The following ESPN variants were observed in gnomAD, a reference collection of about 807,000 sequenced individuals.
ESPN encodes autosomal recessive deafness type 36 protein.
ESPN carries 68 observed loss-of-function variants against 77.7 expected under a neutral mutation model. The ratio of observed to expected loss-of-function variants is 0.87; its 90% CI spans 0.72 to 1.07. The LOEUF (loss-of-function observed/expected upper bound fraction) is 1.07, where lower values mean the gene tolerates loss of function less well. Among genes scored for constraint, ESPN ranks in the 50% least tolerant of loss-of-function variants. The pLI is 0.00. For synonymous variants in ESPN, 449 were observed against 567.1 expected (o/e 0.79, Z 2.96); for missense variants, 1,060 against 1,239.0 (o/e 0.86, Z 2.17).
chr1:6,444,757 TGG>T (rs1467720485), intron 6 of ESPN, 75 bp downstream of exon 6: 11 of 1,553,388 alleles, frequency 7.1e-6, no homozygotes, highest in Non-Finnish European at 9.7e-6. Flanking sequence ...GGATTGGCCT[TGG>T]GCCGCCCTGC....
At chr1:6,446,692 G>A (rs185509784) in intron 7 of ESPN, among the ~76,000 whole-genome samples, 3 of 152,288 alleles carry the variant, frequency 2.0e-5, no homozygotes, top group East Asian at 1.9e-4. Flanking sequence ...GAACACTGGC[G>A]TTCTGGCCAT....
chr1:6,428,413 AC>A lies in ESPN; in HGVS notation c.485del (p.Pro162LeufsTer4), dbSNP rs1643120182. The A allele has an allele frequency of 6.2e-7, 1 of 1,609,094 alleles. No individual in the cohort carries two copies. The highest frequency in any genetic ancestry group is 1.1e-5 in the South Asian group (1 of 90,912). On this transcript the variant is annotated frameshift_variant, in exon 2 of 13. Coordinates refer to ENST00000645284, the MANE Select transcript of ESPN (RefSeq NM_031475.3). LOFTEE classifies it high-confidence loss of function. This position sits in a 1 kb window ranked among gnomAD's most constrained non-coding sequence, Gnocchi z 5.4. Reference sequence around the variant, plus strand: ...TCCCTGAGGCTTCTCGTCGAGCACTACCCTGAGTAAGATCACCCCTCTTAAG... The same window carrying A: ...TCCCTGAGGCTTCTCGTCGAGCACTACCTGAGTAAGATCACCCCTCTTAAG... ...FPSLRLLVEH[Y>X]PEGVNAQTKN...
At chr1:6,446,209 G>A (rs1301263631) in intron 7 of ESPN, among the ~76,000 whole-genome samples, 3 of 152,178 alleles carry the variant, frequency 2.0e-5, no homozygotes, top group South Asian at 4.1e-4. Context: ...AACTGGGCCT[G>A]TGCCACCTCT....
chr1:6,436,493 A>T (rs1286986587), intron 2 of ESPN, among the ~76,000 whole-genome samples: 32 of 150,324 alleles, frequency 2.1e-4, no homozygotes, highest in African/African-American at 6.1e-4. Context: ...TTATTTATTT[A>T]TTTATTTATT....
Position 6,428,993 on chromosome 1 carries a change from T to C in ESPN, c.488+574T>C, listed in dbSNP as rs993150623. On this transcript the variant is annotated intron_variant, in intron 2 of 12. Transcript: ENST00000645284. The surrounding 1 kb of genome is among the most constrained non-coding windows in gnomAD (Gnocchi z 5.4). ...GTGGCCCCTCAGCCCGTTCCTACTA[T>C]CAAGGGAAGCATGGGGATCCCAAAC... Among the ~76,000 whole-genome samples, 3 of 151,822 alleles carry C rather than the reference T, an allele frequency of 2.0e-5. No individual in the cohort carries two copies. The highest frequency in any genetic ancestry group is 6.6e-5 in the Admixed American group (1 of 15,260).
Position 6,437,168 on chromosome 1 carries a change from C to G in ESPN, c.489-3086C>G, listed in dbSNP as rs1414286274. 1 of 152,254 alleles carries G rather than the reference C, an allele frequency of 6.6e-6. No individual in the cohort carries two copies. Among genetic ancestry groups the G allele is most frequent in the Admixed American group, 6.5e-5 (1 of 15,288 alleles). 9.4% of individuals were successfully genotyped at this position (152,254 alleles called of 1,614,324 possible). On this transcript the variant is annotated intron_variant, in intron 2 of 12. Coordinates refer to ENST00000645284, the MANE Select transcript of ESPN (RefSeq NM_031475.3). This position sits in a 1 kb window ranked among gnomAD's most constrained non-coding sequence, Gnocchi z 4.5. ...AGGAACTTGGGCTGGGAATGCCAGC[C>G]AGCGGCCCTGCAGGAGGCTGTGGGT...
chr1:6,428,404 T>C lies in ESPN; in HGVS notation c.473T>C (p.Val158Ala). 1.2e-6 allele frequency: 2 copies of C among 1,612,100 alleles called. No individual in the cohort carries two copies. Among genetic ancestry groups the C allele is most frequent in the Non-Finnish European group, 1.7e-6 (2 of 1,179,088 alleles). The change falls in exon 2 of 13, where the codon GTC becomes GCC. Residue 158 changes from valine (V) to alanine (A), a missense_variant. Transcript: ENST00000645284. This position sits in a 1 kb window ranked among gnomAD's most constrained non-coding sequence, Gnocchi z 5.4. Reference sequence around the variant, plus strand: ...GACTTCCCCTCCCTGAGGCTTCTCGTCGAGCACTACCCTGAGTAAGATCAC... The same window carrying C: ...GACTTCCCCTCCCTGAGGCTTCTCGCCGAGCACTACCCTGAGTAAGATCAC... Reference protein sequence around the residue: ...KGDFPSLRLLVEHYPEGVNAQ... With the variant: ...KGDFPSLRLLAEHYPEGVNAQ...
intron 12 of ESPN, among the ~76,000 whole-genome samples, chr1:6,457,997 C>A (rs1569758343): frequency 1.3e-5 from 2 of 148,424 alleles, no homozygotes; most frequent in African/African-American, 5.0e-5. Context: ...TGCAGTGAGA[C>A]CTCATTCTGC....
At chr1:6,444,809 A>C in intron 6 of ESPN, 127 bp downstream of exon 6, 1 of 1,123,598 alleles carries the variant, frequency 8.9e-7, no homozygotes, top group South Asian at 1.3e-5. Flanking sequence ...ACTTGCTCTT[A>C]AACATGGGGA....
Position 6,451,733 on chromosome 1 carries a change from G to A in ESPN, c.2046G>A (p.Gly682=). ...TGACCACAGTGTTCTCAGGCATCGG[G>A]CAGCCGGCCTTCCAGGTAGGCGGGC... is the stretch of plus-strand genomic sequence containing the variant. The part of the protein sequence containing the change: ...KGLTTVFSGI[G]QPAFQPDSPL... The change falls in exon 9 of 13, where the codon GGG becomes GGA. Residue 682 remains glycine, a synonymous_variant. Coordinates refer to ENST00000645284, the MANE Select transcript of ESPN (RefSeq NM_031475.3). The surrounding 1 kb of genome is among the most constrained non-coding windows in gnomAD (Gnocchi z 4.3). 1 of 1,612,530 alleles carries A rather than the reference G, an allele frequency of 6.2e-7. No individual in the cohort carries two copies. The highest frequency in any genetic ancestry group is 2.2e-5 in the East Asian group (1 of 44,868).
At position 6,428,338 on chromosome 1, in the gene ESPN, A is replaced by G. The variant is rs143543872; in HGVS notation, c.407A>G (p.Asp136Gly). 399 of 1,612,792 alleles carry G rather than the reference A, an allele frequency of 2.5e-4. No individual in the cohort carries two copies. Among genetic ancestry groups the G allele is most frequent in the Non-Finnish European group, 3.2e-4 (374 of 1,179,972 alleles). ...HGGGDPTAATDMGALPIHYAA... is the reference protein window; with the variant it reads ...HGGGDPTAATGMGALPIHYAA... The stretch of plus-strand genomic sequence containing the variant: ...GGTGGGGACCCCACCGCGGCCACAG[A>G]CATGGGCGCCCTGCCTATCCACTAC... Residue 136 changes from aspartate (D) to glycine (G), a missense_variant, in exon 2 of 13, where the codon GAC (aspartate) becomes GGC (glycine). This residue lies in a region of ESPN where 556 missense variants were observed against 633.6 expected (regional missense o/e 0.88). Coordinates refer to ENST00000645284, the MANE Select transcript of ESPN (RefSeq NM_031475.3). The surrounding 1 kb of genome is among the most constrained non-coding windows in gnomAD (Gnocchi z 5.4).
intron 3 of ESPN, 23 bp from the exon 4 acceptor site, chr1:6,440,603 C>CACAAA: frequency 1.6e-6 from 2 of 1,261,254 alleles, no homozygotes; most frequent in Non-Finnish European, 2.2e-6. Context: ...CCCCGCCCCC[C>CACAAA]TCTCCCCGCC....
In ESPN at chr1:6,448,957, A is replaced by G; in HGVS notation, c.1781A>G (p.Glu594Gly). 3 of 1,423,420 alleles carry G rather than the reference A, an allele frequency of 2.1e-6. No homozygotes were observed. The highest frequency in any genetic ancestry group is 3.1e-5 in the East Asian group (1 of 32,186). The allele number at this position is 1,423,420 out of a possible 1,614,324, so 88.2% of individuals were successfully genotyped here. ...GCCGCGGACCCCAAGGCGTCCAGGG[A>G]GCTGCCACCGCCGCCCCCACCGCCG... ...GCAADPKASR[E>G]LPPPPPPPPP... The change falls in exon 8 of 13, where the codon GAG (glutamate) becomes GGG (glycine). Residue 594 changes from glutamate (E) to glycine (G), a missense_variant. Transcript: ENST00000645284.
Position 6,440,286 on chromosome 1 carries a change from C to A in ESPN, c.521C>A (p.Thr174Lys), listed in dbSNP as rs1254288379. The A allele has an allele frequency of 6.4e-7, 1 of 1,551,828 alleles. No homozygotes were observed. The highest frequency in any genetic ancestry group is 8.7e-7 in the Non-Finnish European group (1 of 1,147,886). ...AATGCCCAAACCAAGAACGGTGCCACGCCCCTGTACCTGGCGTGCCAGGAG... is the reference window on the plus strand; with the variant it reads ...AATGCCCAAACCAAGAACGGTGCCAAGCCCCTGTACCTGGCGTGCCAGGAG... ...GVNAQTKNGA[T>K]PLYLACQEGH... The change falls in exon 3 of 13, where the codon ACG becomes AAG. Residue 174 changes from threonine to lysine, a missense_variant. Coordinates refer to ENST00000645284, the MANE Select transcript of ESPN (RefSeq NM_031475.3).
At chr1:6,444,050 T>A (rs1347293547) in intron 5 of ESPN, among the ~76,000 whole-genome samples, 1 of 152,082 alleles carries the variant, frequency 6.6e-6, no homozygotes, top group Non-Finnish European at 1.5e-5. Context: ...GTGTTGGGAG[T>A]CTGCCCCAGG....
chr1:6,435,627 C>T (rs12079754), intron 2 of ESPN, among the ~76,000 whole-genome samples: 9,573 of 152,218 alleles, frequency 0.063, 371 homozygotes, highest in East Asian at 0.15. Context: ...TCACTGTGGT[C>T]GGGGCTAGAG....
intron 8 of ESPN, among the ~76,000 whole-genome samples, chr1:6,449,724 G>T (rs1643912868): frequency 6.6e-6 from 1 of 152,170 alleles, no homozygotes; most frequent in East Asian, 1.9e-4. Flanking sequence ...TCCCTCCCCG[G>T]TGACTTCCCT....
At position 6,460,027 on chromosome 1, in the gene ESPN, G is replaced by C. The variant is rs1485674839; in HGVS notation, c.2446G>C (p.Glu816Gln). The C allele has an allele frequency of 6.2e-7, 1 of 1,613,744 alleles. No homozygotes were observed. The highest frequency in any genetic ancestry group is 8.5e-7 in the Non-Finnish European group (1 of 1,180,038). Residue 816 changes from glutamate (E) to glutamine (Q), a missense_variant, in exon 13 of 13, where the codon GAG (glutamate) becomes CAG (glutamine). Glu to Gln is a conservative substitution (Grantham distance 29). Transcript: ENST00000645284. ...AGAGGAGGAGCGACAGAAGCAGGAG[G>C]AGCTGCGGCGGGAGAAGGAACAGTC... ...RKEEERQKQE[E>Q]LRREKEQSEK...
At chr1:6,458,932 CA>C (rs543092506) in intron 12 of ESPN, among the ~76,000 whole-genome samples, 31,532 of 113,578 alleles carry the variant, frequency 0.28, 7,108 homozygotes, top group African/African-American at 0.63. Flanking sequence ...GACTCCATTT[CA>C]AAAAAAAAAA....
Sources: gnomAD v4.1 joint callset for allele counts (sites outside exome capture counted in the v4.1 genomes callset) on GRCh38, gnomAD v4.1.1 for gene constraint, gnomAD v4.1.1 regional missense constraint, Gnocchi (gnomAD v3.1) non-coding constraint, MANE v1.5 for transcripts, NCBI Gene and HGNC (gene_info 2026-07-23, HGNC 2026-07-21) for gene names.